Variants in NAALADL2 observed in about 807,000 individuals in gnomAD.
NAALADL2 encodes the protein inactive N-acetylated-alpha-linked acidic dipeptidase-like protein 2.
In NAALADL2, 76 loss-of-function variants were observed where a neutral mutation model predicts 87.2. The observed-to-expected ratio is 0.87, with a 90% CI of 0.72 to 1.05. NAALADL2 has a LOEUF of 1.05. Ranked by LOEUF, NAALADL2 falls within the 50% of genes least tolerant of loss-of-function variation. NAALADL2 has a pLI of 0.00. For missense variants in NAALADL2, 1,089 were observed against 945.8 expected, an observed-to-expected ratio of 1.15 and a Z score of -1.99; for synonymous variants, 354 against 331.0, an observed-to-expected ratio of 1.07 and a Z score of -0.75.
intron 4 of NAALADL2, among the ~76,000 whole-genome samples, chr3:175,317,626 T>G (rs1344400678): frequency 1.3e-5 from 2 of 152,078 alleles, no homozygotes; most frequent in East Asian, 3.9e-4. Context: ...AATATGTGGT[T>G]ATAGATGGAT....
intron 5 of NAALADL2, among the ~76,000 whole-genome samples, chr3:175,367,182 T>C (rs1044689404): frequency 6.6e-6 from 1 of 151,628 alleles, no homozygotes; most frequent in African/African-American, 2.4e-5. Context: ...ATATGCGGCG[T>C]TATTTCTGAG....
intron 1 of NAALADL2, among the ~76,000 whole-genome samples, chr3:175,046,391 G>A (rs1369402307): frequency 6.6e-6 from 1 of 152,056 alleles, no homozygotes; most frequent in African/African-American, 2.4e-5. Context: ...ATTTGTTTAC[G>A]TTAGTTTAGC....
intron 2 of NAALADL2, among the ~76,000 whole-genome samples, chr3:175,129,105 ATTT>A (rs59305146): frequency 6.0e-5 from 9 of 149,340 alleles, no homozygotes; most frequent in East Asian, 2.0e-4. Flanking sequence ...TGCCTGGCTA[ATTT>A]TTTTTTTTTT....
chr3:175,006,627 GT>G (rs1749060023), intron 1 of NAALADL2, among the ~76,000 whole-genome samples: 1 of 149,696 alleles, frequency 6.7e-6, no homozygotes, highest in African/African-American at 2.5e-5. Flanking sequence ...GTGATAGGGA[GT>G]TCGAGGTAGG....
intron 1 of NAALADL2, among the ~76,000 whole-genome samples, chr3:174,990,404 G>A (rs1255856347): frequency 6.6e-6 from 1 of 152,016 alleles, no homozygotes; most frequent in Non-Finnish European, 1.5e-5. Context: ...ATGAAGCCAA[G>A]CCTTGCGTCT....
rs188563286 is a variant in NAALADL2 at position 175,552,794 on chromosome 3, T to C, written c.1654-23247T>C. Among the ~76,000 whole-genome samples, 9 of 152,214 alleles carry C rather than the reference T, an allele frequency of 5.9e-5. No individual in the cohort carries two copies. In the East Asian group the frequency reaches 1.7e-3, roughly 29 times the overall value. ...TTATAACATTTTTCACAGGTGGAGA[T>C]TCAAGTATATACCTATGATATGCCA... On this transcript the variant is annotated intron_variant, in intron 9 of 13. Transcript: ENST00000454872.
rs779567135 is a variant in NAALADL2 at position 175,241,855 on chromosome 3, ATTTT to A, written c.819+7670_819+7673del. Among the ~76,000 whole-genome samples the A allele has an allele frequency of 1.4e-3, 117 of 83,820 alleles. 1 individual carries two copies. Among genetic ancestry groups the A allele is most frequent in the African/African-American group, 4.8e-3 (103 of 21,550 alleles). The allele number at this position is 83,820 out of a possible 152,430, so 55.0% of individuals were successfully genotyped here. ...TAGTGAGAAAGTATCTGGATGCTGA[ATTTT>A]TTTTTTTTTTTTTTTTTTCTTGAGA... On this transcript the variant is annotated intron_variant, in intron 3 of 13. Coordinates refer to ENST00000454872, the MANE Select transcript of NAALADL2 (RefSeq NM_207015.3).
intron 1 of NAALADL2, among the ~76,000 whole-genome samples, chr3:174,904,995 T>G (rs1579454312): frequency 6.6e-6 from 1 of 151,992 alleles, no homozygotes; most frequent in Admixed American, 6.6e-5. Flanking sequence ...GTATTGTTAT[T>G]TTTAAAGCTG....
intron 4 of NAALADL2, among the ~76,000 whole-genome samples, chr3:175,300,185 T>C (rs1756876603): frequency 6.6e-6 from 1 of 152,230 alleles, no homozygotes; most frequent in African/African-American, 2.4e-5. Flanking sequence ...TGGATTCAGT[T>C]TGCCAGTATT....
At chr3:175,466,105 A>G (rs59638568) in intron 7 of NAALADL2, among the ~76,000 whole-genome samples, 21,912 of 152,190 alleles carry the variant, frequency 0.14, 2,607 homozygotes, top group African/African-American at 0.33. Context: ...ATTCTAACCC[A>G]AGCAGGCTGG....
At position 175,259,740 on chromosome 3, in the gene NAALADL2, C is replaced by T. The variant is rs183173580; in HGVS notation, c.939+3210C>T. On this transcript the variant is annotated intron_variant, in intron 4 of 13. Coordinates refer to ENST00000454872, the MANE Select transcript of NAALADL2 (RefSeq NM_207015.3). ...TTTGAAAATTCAGGTTAAAATACAG[C>T]AATTATAATTTTTTCTAACCTGGCC... Among the ~76,000 whole-genome samples, 451 of 152,248 alleles carry T rather than the reference C, an allele frequency of 3.0e-3. 7 individuals carry two copies. The highest frequency in any genetic ancestry group is 0.027 in the Admixed American group (420 of 15,274).
chr3:175,270,523 A>G (rs891011143), intron 4 of NAALADL2, among the ~76,000 whole-genome samples: 15 of 152,236 alleles, frequency 9.9e-5, no homozygotes, highest in African/African-American at 3.6e-4. Context: ...GTTCCCAACC[A>G]GAGTGCTGGT....
chr3:174,688,433 G>A (rs1229883781), intron 2 of NAALADL2, among the ~76,000 whole-genome samples: 1 of 150,204 alleles, frequency 6.7e-6, no homozygotes, highest in Non-Finnish European at 1.5e-5. Context: ...ACATAAGGCA[G>A]AGTAAATACG....
At chr3:175,705,882 A>G (rs754979795) in intron 11 of NAALADL2, among the ~76,000 whole-genome samples, 2 of 152,166 alleles carry the variant, frequency 1.3e-5, no homozygotes, top group Admixed American at 6.6e-5. Flanking sequence ...AAACAAGGCC[A>G]ATCAGTTAAC....
intron 2 of NAALADL2, among the ~76,000 whole-genome samples, chr3:174,653,111 TTAA>T (rs1320247586): frequency 6.6e-6 from 1 of 152,174 alleles, no homozygotes; most frequent in African/African-American, 2.4e-5. Context: ...GATATGTAAA[TTAA>T]TAAAACCATT....
chr3:175,686,093 G>T (rs769303529), intron 11 of NAALADL2, among the ~76,000 whole-genome samples: 2 of 152,126 alleles, frequency 1.3e-5, no homozygotes, highest in Non-Finnish European at 2.9e-5. Flanking sequence ...GTTCTTAAAT[G>T]TCTAATGGTT....
intron 5 of NAALADL2, among the ~76,000 whole-genome samples, chr3:175,424,463 A>G (rs562045611): frequency 5.3e-5 from 8 of 152,298 alleles, no homozygotes; most frequent in African/African-American, 1.7e-4. Flanking sequence ...ATCCAGTTTC[A>G]GCTTTCTACA....
At chr3:175,599,216 G>T (rs1384601515) in intron 10 of NAALADL2, among the ~76,000 whole-genome samples, 1 of 152,034 alleles carries the variant, frequency 6.6e-6, no homozygotes, top group Non-Finnish European at 1.5e-5. Flanking sequence ...TATTGATTAT[G>T]TGGTATATTC....
chr3:175,253,464 T>A (rs1011810862), intron 3 of NAALADL2, among the ~76,000 whole-genome samples: 1 of 152,226 alleles, frequency 6.6e-6, no homozygotes, highest in Admixed American at 6.5e-5. Context: ...ATGTACCTGG[T>A]CACCCAAGAG....
Sources: gnomAD v4.1 joint callset for allele counts (sites outside exome capture counted in the v4.1 genomes callset) on GRCh38, gnomAD v4.1.1 for gene constraint, MANE v1.5 for transcripts, NCBI Gene and HGNC (gene_info 2026-07-23, HGNC 2026-07-21) for gene names.